Variants in ANXA4 observed in about 807,000 individuals in gnomAD.
The protein encoded by ANXA4 is 35-beta calcimedin.
Under a neutral mutation model 49.8 loss-of-function variants are expected in ANXA4, and 39 were observed. That is an observed-to-expected ratio of 0.78 (90% CI 0.61 to 1.02). The LOEUF is 1.02. ANXA4 is among the 50% of genes least tolerant of loss of function. The pLI, the probability that ANXA4 is intolerant of heterozygous loss-of-function variation, is 0.00. For missense variants in ANXA4, 360 were observed against 410.1 expected, an observed-to-expected ratio of 0.88 and a Z score of 1.05; for synonymous variants, 134 against 152.5, an observed-to-expected ratio of 0.88 and a Z score of 0.89.
intron 2 of ANXA4, among the ~76,000 whole-genome samples, chr2:69,710,980 T>A (rs1447914076): frequency 6.6e-6 from 1 of 152,178 alleles, no homozygotes; most frequent in Non-Finnish European, 1.5e-5. Flanking sequence ...CTCAGAGAAG[T>A]GAAAATACAT....
chr2:69,719,569 A>G (rs1669763597), intron 2 of ANXA4, among the ~76,000 whole-genome samples: 1 of 151,064 alleles, frequency 6.6e-6, no homozygotes, highest in Non-Finnish European at 1.5e-5. Context: ...CCTCCTGAGT[A>G]GCTGGGATTA....
At chr2:69,779,188 G>A (rs1469484100) in intron 1 of ANXA4, among the ~76,000 whole-genome samples, 5 of 149,038 alleles carry the variant, frequency 3.4e-5, no homozygotes, top group Non-Finnish European at 5.9e-5. Flanking sequence ...GGGGAGCCAA[G>A]TAATGATTTA....
chr2:69,686,269 C>T (rs894552099), intron 2 of ANXA4, among the ~76,000 whole-genome samples: 4 of 152,136 alleles, frequency 2.6e-5, no homozygotes, highest in Admixed American at 2.0e-4. Context: ...ACTGCAACCT[C>T]TGCCTCCTGG....
intron 2 of ANXA4, among the ~76,000 whole-genome samples, chr2:69,701,935 T>G (rs1310145764): frequency 6.6e-6 from 1 of 152,210 alleles, no homozygotes; most frequent in Non-Finnish European, 1.5e-5. Flanking sequence ...TTTAATATCT[T>G]ATGTTGCAAA....
intron 2 of ANXA4, among the ~76,000 whole-genome samples, chr2:69,781,987 A>G (rs975402789): frequency 6.6e-6 from 1 of 152,220 alleles, no homozygotes; most frequent in African/African-American, 2.4e-5. Context: ...TTTCTTAACA[A>G]TATGGGTGTG....
intron 2 of ANXA4, among the ~76,000 whole-genome samples, chr2:69,711,981 A>G (rs1678691562): frequency 6.6e-6 from 1 of 152,150 alleles, no homozygotes; most frequent in African/African-American, 2.4e-5. Flanking sequence ...CAGTTTTTAT[A>G]CATAGGATTT....
At chr2:69,814,185 G>C (rs1307341023) in intron 8 of ANXA4, among the ~76,000 whole-genome samples, 1 of 152,090 alleles carries the variant, frequency 6.6e-6, no homozygotes. Flanking sequence ...AGGGGATAGA[G>C]GTATGTGTGT....
upstream of ANXA4, chr2:69,644,043 A>T: frequency 3.4e-6 from 1 of 293,380 alleles, no homozygotes; most frequent in Non-Finnish European, 5.2e-6. Context: ...ATACTCCTGG[A>T]GGAGAGGGCG....
At chr2:69,738,158 G>A (rs544623199), upstream of ANXA4, among the ~76,000 whole-genome samples, 11 of 151,992 alleles carry the variant, frequency 7.2e-5, no homozygotes, top group African/African-American at 2.7e-4. Context: ...ATTTTATCTC[G>A]CAACCCTAAG....
At chr2:69,711,236 G>T (rs938685244) in intron 2 of ANXA4, among the ~76,000 whole-genome samples, 1 of 152,122 alleles carries the variant, frequency 6.6e-6, no homozygotes, top group Admixed American at 6.5e-5. Context: ...AGGCTGAGGC[G>T]GGAGAACCGC....
chr2:69,777,606 G>T (rs1672012598), intron 1 of ANXA4, among the ~76,000 whole-genome samples: 1 of 152,176 alleles, frequency 6.6e-6, no homozygotes, highest in Non-Finnish European at 1.5e-5. Flanking sequence ...TATATGGCCT[G>T]ACTGCATCTT....
intron 2 of ANXA4, among the ~76,000 whole-genome samples, chr2:69,660,100 C>T (rs1397080330): frequency 6.6e-6 from 1 of 151,984 alleles, no homozygotes; most frequent in Non-Finnish European, 1.5e-5. Flanking sequence ...TGCATGTATG[C>T]ACATATGTAT....
At chr2:69,795,040 A>C (rs1306224319) in intron 3 of ANXA4, among the ~76,000 whole-genome samples, 1 of 152,156 alleles carries the variant, frequency 6.6e-6, no homozygotes, top group Non-Finnish European at 1.5e-5. Flanking sequence ...CTGAAGTCTG[A>C]CAGAGCTGAG....
chr2:69,740,106 G>A (rs1483847444), upstream of ANXA4, among the ~76,000 whole-genome samples: 2 of 152,202 alleles, frequency 1.3e-5, no homozygotes, highest in African/African-American at 2.4e-5. Flanking sequence ...GTGACCTGGG[G>A]CTGGATGCAC....
At chr2:69,656,480 A>G (rs995694771) in intron 2 of ANXA4, among the ~76,000 whole-genome samples, 1 of 146,608 alleles carries the variant, frequency 6.8e-6, no homozygotes, top group Admixed American at 6.9e-5. Context: ...TGAATACAGT[A>G]TTGACCCCAG....
upstream of ANXA4, among the ~76,000 whole-genome samples, chr2:69,644,165 T>TTCGCGGG (rs1553424953): frequency 4.7e-5 from 1 of 21,116 alleles, no homozygotes; most frequent in African/African-American, 1.7e-4. Flanking sequence ...ACAACTAAGT[T>TTCGCGGG]CCCCCCCCCC....
chr2:69,781,573 T>C lies in ANXA4; in HGVS notation c.8T>C (p.Met3Thr), dbSNP rs377151808. ...TGATCTTGACCTAGAGTCATGGCCA[T>C]GGTAAGTTGTGAAATACCTCAACCC... The part of the protein sequence containing the change: MA[M>T]ATKGGTVKAA... The change falls in exon 2 of 13, where the codon ATG becomes ACG. Residue 3 changes from methionine (M) to threonine (T), a missense_variant and splice_region_variant. Transcript: ENST00000394295. The C allele has an allele frequency of 6.8e-5, 109 of 1,613,986 alleles. No homozygotes were observed. The highest frequency in any genetic ancestry group is 8.7e-5 in the Non-Finnish European group (103 of 1,180,016).
At chr2:69,824,230 C>G (rs539633995) in intron 12 of ANXA4, among the ~76,000 whole-genome samples, 52 of 152,168 alleles carry the variant, frequency 3.4e-4, no homozygotes, top group Middle Eastern at 6.8e-3. Flanking sequence ...AGGCTGGGTG[C>G]GGTGGCTCAC....
chr2:69,710,093 T>C (rs544996050), intron 2 of ANXA4, among the ~76,000 whole-genome samples: 1 of 150,990 alleles, frequency 6.6e-6, no homozygotes, highest in South Asian at 2.1e-4. Context: ...GTTCAAGCGA[T>C]TCTCCTGCCT....
Sources: allele counts gnomAD v4.1 joint callset (sites outside exome capture counted in the v4.1 genomes callset), GRCh38; gene constraint gnomAD v4.1.1; transcripts MANE v1.5; gene names NCBI Gene and HGNC (gene_info 2026-07-23, HGNC 2026-07-21).